Variants in LPP observed in about 807,000 individuals in gnomAD.
The protein encoded by LPP is LIM domain containing preferred translocation partner in lipoma.
Under a neutral mutation model 60.4 loss-of-function variants are expected in LPP, and 38 were observed. The ratio of observed to expected loss-of-function variants is 0.63; its 90% CI spans 0.49 to 0.83. LPP has a LOEUF of 0.83. LPP is among the 40% of genes least tolerant of loss of function. The pLI, the probability that LPP is intolerant of heterozygous loss-of-function variation, is 0.00. For synonymous variants in LPP, 328 were observed against 290.8 expected (o/e 1.13, Z -1.30); for missense variants, 902 against 783.6 (o/e 1.15, Z -1.80).
chr3:188,830,959 C>G (rs997986034), intron 9 of LPP, among the ~76,000 whole-genome samples: 2 of 152,148 alleles, frequency 1.3e-5, no homozygotes, highest in Non-Finnish European at 2.9e-5. Flanking sequence ...TTTGTGAAAT[C>G]TCAATCCTGT....
At chr3:188,746,973 G>A (rs1726424962) in intron 8 of LPP, among the ~76,000 whole-genome samples, 1 of 152,094 alleles carries the variant, frequency 6.6e-6, no homozygotes, top group African/African-American at 2.4e-5. Flanking sequence ...TCAAAATTTA[G>A]TTTGTGTGTT....
intron 6 of LPP, among the ~76,000 whole-genome samples, chr3:188,529,905 G>A (rs1821678237): frequency 6.6e-6 from 1 of 152,184 alleles, no homozygotes; most frequent in African/African-American, 2.4e-5. Context: ...ATCACCACGT[G>A]TCAAAATTAT....
At chr3:188,313,140 GA>G (rs11339804) in intron 2 of LPP, among the ~76,000 whole-genome samples, 68,909 of 149,422 alleles carry the variant, frequency 0.46, 18,631 homozygotes, top group African/African-American at 0.73. Context: ...TTAAAAAAAA[GA>G]AAAAAAAAAG....
intron 7 of LPP, among the ~76,000 whole-genome samples, chr3:188,704,106 C>T (rs1210998956): frequency 1.3e-5 from 2 of 151,958 alleles, no homozygotes; most frequent in Admixed American, 6.6e-5. Context: ...TGGGAAGCAT[C>T]GTTTGCTTGG....
intron 8 of LPP, among the ~76,000 whole-genome samples, chr3:188,755,871 A>G (rs1046460864): frequency 1.5e-5 from 2 of 134,192 alleles, no homozygotes; most frequent in East Asian, 2.2e-4. Flanking sequence ...AAAAACAAAG[A>G]AAAGAAAACC....
chr3:188,381,222 A>G (rs1265178887), intron 3 of LPP, among the ~76,000 whole-genome samples: 1 of 152,232 alleles, frequency 6.6e-6, no homozygotes, highest in East Asian at 1.9e-4. Context: ...AGGCTTTAAC[A>G]CATAATTTCT....
At chr3:188,325,316 A>T (rs1758116826) in intron 2 of LPP, among the ~76,000 whole-genome samples, 1 of 152,064 alleles carries the variant, frequency 6.6e-6, no homozygotes, top group African/African-American at 2.4e-5. Context: ...CACTTTACAC[A>T]GTAATCTGTA....
chr3:188,157,038 A>T (rs1222382057), intron 1 of LPP, among the ~76,000 whole-genome samples: 1 of 152,150 alleles, frequency 6.6e-6, no homozygotes, highest in Non-Finnish European at 1.5e-5. Context: ...AATATCACTG[A>T]AATGTGGTTG....
chr3:188,268,907 A>G (rs1243057205), intron 2 of LPP, among the ~76,000 whole-genome samples: 3 of 128,066 alleles, frequency 2.3e-5, no homozygotes, highest in Non-Finnish European at 1.8e-5. Context: ...CCTATAAGGT[A>G]GAAATTATTA....
chr3:188,459,475 A>T (rs991127005), intron 4 of LPP, among the ~76,000 whole-genome samples: 1 of 152,154 alleles, frequency 6.6e-6, no homozygotes, highest in African/African-American at 2.4e-5. Flanking sequence ...AAGGCCTCAT[A>T]AACTAGCGTG....
chr3:188,156,600 C>T (rs755835875), intron 1 of LPP, among the ~76,000 whole-genome samples: 3 of 151,894 alleles, frequency 2.0e-5, no homozygotes, highest in South Asian at 2.1e-4. Flanking sequence ...TTGGGAGGCT[C>T]GAGGCAGGTG....
chr3:188,226,581 C>T (rs1717855372), intron 2 of LPP, among the ~76,000 whole-genome samples: 1 of 152,104 alleles, frequency 6.6e-6, no homozygotes, highest in Non-Finnish European at 1.5e-5. Context: ...ACCCTGGGCT[C>T]TAAGGAAAGC....
At chr3:188,321,910 C>A (rs941617786) in intron 2 of LPP, among the ~76,000 whole-genome samples, 2 of 152,110 alleles carry the variant, frequency 1.3e-5, no homozygotes, top group African/African-American at 4.8e-5. Flanking sequence ...CTTAAGATAG[C>A]CAGCAAAAAT....
At chr3:188,428,003 G>A (rs1046870433) in intron 4 of LPP, among the ~76,000 whole-genome samples, 1 of 152,042 alleles carries the variant, frequency 6.6e-6, no homozygotes, top group Non-Finnish European at 1.5e-5. Context: ...TGCCCAAACG[G>A]TCACCCGGTT....
chr3:188,398,006 G>A (rs1186002635), intron 3 of LPP, among the ~76,000 whole-genome samples: 1 of 152,164 alleles, frequency 6.6e-6, no homozygotes, highest in Non-Finnish European at 1.5e-5. Flanking sequence ...ATCCTGAAAT[G>A]CCGCTGAGTT....
chr3:188,439,913 A>T (rs1793358617), intron 4 of LPP, among the ~76,000 whole-genome samples: 1 of 152,204 alleles, frequency 6.6e-6, no homozygotes, highest in Non-Finnish European at 1.5e-5. Flanking sequence ...GCAGGATAGG[A>T]TTATTCCACT....
intron 6 of LPP, among the ~76,000 whole-genome samples, chr3:188,566,547 G>A (rs1832215128): frequency 6.6e-6 from 1 of 151,776 alleles, no homozygotes; most frequent in South Asian, 2.1e-4. Flanking sequence ...CTCTTAATGT[G>A]TTCCTTTGAT....
chr3:188,534,906 C>T (rs1403630777), intron 6 of LPP, among the ~76,000 whole-genome samples: 8 of 152,152 alleles, frequency 5.3e-5, no homozygotes, highest in African/African-American at 1.7e-4. Flanking sequence ...AGGTTCTTCA[C>T]ACTATGGAAA....
chr3:188,553,622 T>C (rs1375545777), intron 6 of LPP: 2 of 152,200 alleles, frequency 1.3e-5, no homozygotes, highest in African/African-American at 4.8e-5. Flanking sequence ...TTAACTTGTG[T>C]GTTTGTTCAA....
Sources: gnomAD v4.1 joint callset for allele counts (sites outside exome capture counted in the v4.1 genomes callset) on GRCh38, gnomAD v4.1.1 for gene constraint, MANE v1.5 for transcripts, NCBI Gene and HGNC (gene_info 2026-07-23, HGNC 2026-07-21) for gene names.